Variants in DAO observed in about 807,000 individuals in gnomAD.
DAO encodes D-amino-acid oxidase.
DAO carries 51 observed loss-of-function variants against 50.1 expected under a neutral mutation model. That is an observed-to-expected ratio of 1.02 (90% CI 0.81 to 1.29). The LOEUF (loss-of-function observed/expected upper bound fraction) is 1.29, where lower values mean the gene tolerates loss of function less well. Among genes scored for constraint, DAO ranks in the 50% most tolerant of loss-of-function variants. DAO has a pLI of 0.00. For synonymous variants in DAO, 160 were observed against 166.2 expected (o/e 0.96, Z 0.29); for missense variants, 436 against 439.4 (o/e 0.99, Z 0.07).
chr12:108,880,292 G>A (rs1376639073), intron 1 of DAO, 68 bp downstream of exon 1: 1 of 372,894 alleles, frequency 2.7e-6, no homozygotes, highest in African/African-American at 2.1e-5. Context: ...AGGATTTCAT[G>A]TCCTCCCAAT....
chr12:108,884,960 T>C (rs755705147), intron 1 of DAO, 38 bp from the exon 2 acceptor site: 2 of 1,578,364 alleles, frequency 1.3e-6, no homozygotes, highest in South Asian at 2.2e-5. Context: ...ATGGAGATGA[T>C]GGTGATGATG....
At chr12:108,890,422 T>C (rs778903998) in intron 5 of DAO, 149 bp downstream of exon 5, 159 of 692,258 alleles carry the variant, frequency 2.3e-4, no homozygotes, top group Non-Finnish European at 3.8e-4. Flanking sequence ...TTGGTCCTGA[T>C]CACCGCTGGG....
At position 108,898,385 on chromosome 12, in the gene DAO, C is replaced by T. The variant is rs1020041186; in HGVS notation, c.696-294C>T. ...ATCTCAATGGCGATGTTACTGGTGT[C>T]GTGGAGATGACAATATCAATGGCAA... On this transcript the variant is annotated intron_variant, in intron 8 of 10. Coordinates refer to ENST00000228476, the MANE Select transcript of DAO (RefSeq NM_001917.5). 14 of 413,200 alleles carry T rather than the reference C, an allele frequency of 3.4e-5. No homozygotes were observed. In the East Asian group the frequency reaches 5.4e-4, roughly 16 times the overall value. 25.6% of individuals were successfully genotyped at this position (413,200 alleles called of 1,614,324 possible).
intron 8 of DAO, among the ~76,000 whole-genome samples, chr12:108,898,143 C>T (rs540556415): frequency 1.3e-5 from 2 of 151,910 alleles, no homozygotes; most frequent in South Asian, 4.2e-4. Context: ...GGGAAGACAG[C>T]GTTCATGGGG....
intron 2 of DAO, among the ~76,000 whole-genome samples, chr12:108,885,627 T>C (rs1226010842): frequency 6.6e-6 from 1 of 152,068 alleles, no homozygotes; most frequent in Non-Finnish European, 1.5e-5. Flanking sequence ...AAGAAAAGAT[T>C]CATAAATATT....
At chr12:108,897,118 G>A (rs773123069) in intron 8 of DAO, 30 bp downstream of exon 8, 1 of 1,541,112 alleles carries the variant, frequency 6.5e-7, no homozygotes, top group Admixed American at 1.7e-5. Flanking sequence ...GGGCAGAAGA[G>A]TGGTCCCCTT....
At chr12:108,886,337 T>TTCTAAGTGGGTGAACA (rs2039435889) in intron 2 of DAO, among the ~76,000 whole-genome samples, 2 of 152,062 alleles carry the variant, frequency 1.3e-5, no homozygotes, top group Non-Finnish European at 2.9e-5. Flanking sequence ...TCTAGAAAAC[T>TTCTAAGTGGGTGAACA]TCTAAGTGGG....
chr12:108,882,067 A>G (rs2039387483), intron 1 of DAO, among the ~76,000 whole-genome samples: 1 of 152,092 alleles, frequency 6.6e-6, no homozygotes, highest in Non-Finnish European at 1.5e-5. Flanking sequence ...AGATTTTTCA[A>G]ACCATGTGAT....
At chr12:108,887,230 C>T (rs549198120) in intron 2 of DAO, among the ~76,000 whole-genome samples, 1 of 152,294 alleles carries the variant, frequency 6.6e-6, no homozygotes, top group South Asian at 2.1e-4. Context: ...GGGCATCCTT[C>T]ATTCCCTCTC....
chr12:108,893,315 TCA>T (rs2039512055), intron 6 of DAO, among the ~76,000 whole-genome samples: 1 of 152,182 alleles, frequency 6.6e-6, no homozygotes, highest in African/African-American at 2.4e-5. Context: ...CCGCATTTTC[TCA>T]GTGTCAGCTG....
intron 7 of DAO, among the ~76,000 whole-genome samples, chr12:108,896,069 G>A (rs1380933026): frequency 1.3e-5 from 2 of 151,706 alleles, no homozygotes; most frequent in African/African-American, 4.8e-5. Context: ...GTAGCAGCGA[G>A]AGAATGATTG....
At chr12:108,897,803 C>T (rs563002566) in intron 8 of DAO, among the ~76,000 whole-genome samples, 4 of 152,060 alleles carry the variant, frequency 2.6e-5, no homozygotes, top group South Asian at 2.1e-4. Context: ...AAAAATTAGC[C>T]GGGCGTGATG....
chr12:108,881,101 A>G (rs1484067266), intron 1 of DAO, among the ~76,000 whole-genome samples: 1 of 151,880 alleles, frequency 6.6e-6, no homozygotes, highest in African/African-American at 2.4e-5. Flanking sequence ...GTGTCTGGCA[A>G]GTGGCAGAGA....
At position 108,894,283 on chromosome 12, in the gene DAO, C is replaced by T. The variant is rs371113557; in HGVS notation, c.528C>T (p.Asp176=). The T allele has an allele frequency of 5.0e-6, 8 of 1,613,810 alleles. No homozygotes were observed. Among genetic ancestry groups the T allele is most frequent in the Non-Finnish European group, 6.8e-6 (8 of 1,179,960 alleles). ...SFEEVAREGA[D]VIVNCTGVWA... ...ACCAGGTGGCAAGAGAAGGCGCAGA[C>T]GTGATTGTCAACTGCACTGGGGTAT... Residue 176 remains aspartate (D), a synonymous_variant, in exon 7 of 11, where the codon GAC becomes GAT. Transcript: ENST00000228476.
chr12:108,894,135 T>G, intron 6 of DAO, 128 bp from the exon 7 acceptor site: 1 of 729,828 alleles, frequency 1.4e-6, no homozygotes, highest in Non-Finnish European at 2.4e-6. Context: ...TGATTCCTCA[T>G]TGAGACCTCT....
At chr12:108,891,375 G>T (rs754212335) in intron 5 of DAO, among the ~76,000 whole-genome samples, 1 of 151,232 alleles carries the variant, frequency 6.6e-6, no homozygotes, top group South Asian at 2.1e-4. Context: ...GCTTTATCCC[G>T]GGAAGGAGAG....
intron 3 of DAO, among the ~76,000 whole-genome samples, chr12:108,888,035 G>T (rs1397468521): frequency 6.6e-6 from 1 of 152,216 alleles, no homozygotes; most frequent in Non-Finnish European, 1.5e-5. Context: ...GGAGGTAAGG[G>T]CTGTCCTTAT....
chr12:108,883,330 T>G (rs2039401209), intron 1 of DAO, among the ~76,000 whole-genome samples: 1 of 152,184 alleles, frequency 6.6e-6, no homozygotes, highest in African/African-American at 2.4e-5. Context: ...TAGTTTTCAG[T>G]AGAGATGGGG....
At chr12:108,895,634 G>T (rs1593165811) in intron 7 of DAO, among the ~76,000 whole-genome samples, 2 of 148,308 alleles carry the variant, frequency 1.3e-5, no homozygotes, top group East Asian at 2.0e-4. Context: ...ATGCATGTGT[G>T]TGAGGGTATG....
Sources: allele counts gnomAD v4.1 joint callset (sites outside exome capture counted in the v4.1 genomes callset), GRCh38; gene constraint gnomAD v4.1.1; transcripts MANE v1.5; gene names NCBI Gene and HGNC (gene_info 2026-07-23, HGNC 2026-07-21).